The following RNF138 variants were observed in gnomAD, a reference collection of about 807,000 sequenced individuals.
RNF138 encodes ring finger protein 138.
In RNF138, 12 loss-of-function variants were observed where a neutral mutation model predicts 31.0. The ratio of observed to expected loss-of-function variants is 0.39; its 90% CI spans 0.25 to 0.63. The LOEUF (loss-of-function observed/expected upper bound fraction) is 0.63. Ranked by LOEUF, RNF138 falls within the 20% of genes least tolerant of loss-of-function variation. The pLI, the probability that RNF138 is intolerant of heterozygous loss-of-function variation, is 0.52. For synonymous variants in RNF138, 105 were observed against 99.5 expected, an observed-to-expected ratio of 1.06 and a Z score of -0.33; for missense variants, 192 against 300.1, an observed-to-expected ratio of 0.64 and a Z score of 2.66.
chr18:32,092,972 G>C, intron 2 of RNF138, 86 bp downstream of exon 2: 1 of 710,602 alleles, frequency 1.4e-6, no homozygotes, highest in Middle Eastern at 3.8e-4. Context: ...GCCGCCTGGC[G>C]GGAACCGAGC....
intron 4 of RNF138, 65 bp from the exon 5 acceptor site, chr18:32,123,449 CAAGA>C: frequency 2.1e-6 from 2 of 969,034 alleles, no homozygotes; most frequent in Non-Finnish European, 3.0e-6. Flanking sequence ...ATTAATGGTT[CAAGA>C]TAATGAACCT....
intron 2 of RNF138, among the ~76,000 whole-genome samples, chr18:32,094,439 G>A (rs989980769): frequency 6.6e-6 from 1 of 152,114 alleles, no homozygotes; most frequent in Non-Finnish European, 1.5e-5. Flanking sequence ...GCTCTTTAAG[G>A]GAGATGAATG....
intron 6 of RNF138, chr18:32,125,075 C>T: frequency 2.3e-6 from 1 of 426,722 alleles, no homozygotes; most frequent in Non-Finnish European, 4.3e-6. Flanking sequence ...GGTAATATAG[C>T]ACAGTCTGGA....
intron 4 of RNF138, among the ~76,000 whole-genome samples, chr18:32,115,570 C>A (rs1214748891): frequency 3.9e-5 from 6 of 152,158 alleles, no homozygotes; most frequent in Admixed American, 6.5e-5. Context: ...CATGGTGAAA[C>A]CTTGTCTCTA....
chr18:32,128,523 G>A (rs749234351), intron 7 of RNF138, among the ~76,000 whole-genome samples: 8 of 152,184 alleles, frequency 5.3e-5, no homozygotes, highest in African/African-American at 9.7e-5. Flanking sequence ...GAGTGACAGA[G>A]CCAAACTGCC....
Position 32,092,751 on chromosome 18 carries a change from A to G in RNF138, c.-26A>G, listed in dbSNP as rs1598839755. On this transcript the variant is annotated 5_prime_UTR_variant, in exon 2 of 8. Coordinates refer to ENST00000261593, the MANE Select transcript of RNF138 (RefSeq NM_016271.5). Reference sequence around the variant, plus strand: ...CACCTCGGCCGCTGCCGCTGTCGCCATCGCCTTGTTTCCCCATCCCCCGCC... The same window carrying G: ...CACCTCGGCCGCTGCCGCTGTCGCCGTCGCCTTGTTTCCCCATCCCCCGCC... 4.8e-6 allele frequency: 7 copies of G among 1,470,986 alleles called. No individual in the cohort carries two copies. The highest frequency in any genetic ancestry group is 4.6e-6 in the Non-Finnish European group (5 of 1,081,734). The allele number at this position is 1,470,986 out of a possible 1,614,324, so 91.1% of individuals were successfully genotyped here.
chr18:32,094,897 A>G (rs865891357), intron 2 of RNF138, among the ~76,000 whole-genome samples: 1 of 152,162 alleles, frequency 6.6e-6, no homozygotes, highest in Non-Finnish European at 1.5e-5. Context: ...TTCCGTGTAG[A>G]TTGCTCTAGT....
intron 4 of RNF138, among the ~76,000 whole-genome samples, chr18:32,120,893 C>T (rs1013270173): frequency 1.3e-5 from 2 of 152,114 alleles, no homozygotes; most frequent in African/African-American, 4.8e-5. Context: ...TCTGTAATCC[C>T]TGTACTTTGG....
At chr18:32,095,368 C>G (rs1324716282) in intron 2 of RNF138, among the ~76,000 whole-genome samples, 1 of 152,040 alleles carries the variant, frequency 6.6e-6, no homozygotes, top group East Asian at 1.9e-4. Context: ...GACAGGGCCT[C>G]ACTACGTTGC....
intron 2 of RNF138, 31 bp downstream of exon 2, chr18:32,092,917 C>T (rs1292133022): frequency 7.4e-7 from 1 of 1,348,068 alleles, no homozygotes; most frequent in South Asian, 1.3e-5. Context: ...CCTCGCGGAG[C>T]CGGGTTGTCG....
chr18:32,115,845 T>G (rs923721163), intron 4 of RNF138, among the ~76,000 whole-genome samples: 2 of 152,162 alleles, frequency 1.3e-5, no homozygotes, highest in Non-Finnish European at 2.9e-5. Context: ...TATAGCCTCT[T>G]TCTTGGTTAT....
chr18:32,121,705 A>C (rs1037813465), intron 4 of RNF138, among the ~76,000 whole-genome samples: 2 of 152,140 alleles, frequency 1.3e-5, no homozygotes, highest in South Asian at 2.1e-4. Context: ...AAATGTATAG[A>C]TATGAGTTGT....
chr18:32,123,018 C>G (rs1460762073), intron 4 of RNF138, among the ~76,000 whole-genome samples: 1 of 152,162 alleles, frequency 6.6e-6, no homozygotes, highest in Admixed American at 6.5e-5. Flanking sequence ...GTTAGTGAAG[C>G]CTGGTTTCTT....
rs1022315628 is a variant in RNF138 at position 32,094,608 on chromosome 18, GA to G, written c.110+1732del. ...GGTCAGCACATTACCCATCTGACATGAAAAAAAAAACGTTTGGAGGTGTCTA... is the reference window on the plus strand; with the variant it reads ...GGTCAGCACATTACCCATCTGACATGAAAAAAAAACGTTTGGAGGTGTCTA... On this transcript the variant is annotated intron_variant, in intron 2 of 7. Transcript: ENST00000261593. Among the ~76,000 whole-genome samples, 160 of 146,034 alleles carry G rather than the reference GA, an allele frequency of 1.1e-3. 1 individual carries two copies. In the South Asian group the frequency reaches 0.032, roughly 29 times the overall value.
In RNF138 at chr18:32,097,874, ATG is replaced by A. The variant is rs2039838791; in HGVS notation, c.110+4990_110+4991del. 2.6e-5 allele frequency among the ~76,000 whole-genome samples: 4 copies of A among 151,706 alleles called. 1 individual carries two copies. Among genetic ancestry groups the A allele is most frequent in the African/African-American group, 9.7e-5 (4 of 41,300 alleles). Reference sequence around the variant, plus strand: ...TCACTCTGTTGCTCGGGCTATATATATGTATATATGTGTATGTATATGTGTAT... The same window carrying A: ...TCACTCTGTTGCTCGGGCTATATATATATATATGTGTATGTATATGTGTAT... On this transcript the variant is annotated intron_variant, in intron 2 of 7. Coordinates refer to ENST00000261593, the MANE Select transcript of RNF138 (RefSeq NM_016271.5).
chr18:32,117,445 A>G (rs2040235761), intron 4 of RNF138, among the ~76,000 whole-genome samples: 1 of 152,188 alleles, frequency 6.6e-6, no homozygotes, highest in African/African-American at 2.4e-5. Flanking sequence ...CCTGAAGAAG[A>G]GAGCTGAATA....
chr18:32,101,323 A>AT (rs1356402466), intron 2 of RNF138, among the ~76,000 whole-genome samples: 1 of 150,748 alleles, frequency 6.6e-6, no homozygotes, highest in Non-Finnish European at 1.5e-5. Flanking sequence ...GGTTCAAGCC[A>AT]TTCTTCTACC....
At chr18:32,104,874 C>G (rs1040286503) in intron 2 of RNF138, among the ~76,000 whole-genome samples, 1 of 151,886 alleles carries the variant, frequency 6.6e-6, no homozygotes, top group African/African-American at 2.4e-5. Flanking sequence ...TTTGGTAGAA[C>G]TTGAAAAATG....
intron 4 of RNF138, among the ~76,000 whole-genome samples, chr18:32,117,398 A>G (rs1230298149): frequency 6.6e-6 from 1 of 152,176 alleles, no homozygotes; most frequent in Non-Finnish European, 1.5e-5. Flanking sequence ...CTCTGGGTCT[A>G]CTGAAAGCAG....
Sources: allele counts gnomAD v4.1 joint callset (sites outside exome capture counted in the v4.1 genomes callset), GRCh38; gene constraint gnomAD v4.1.1; transcripts MANE v1.5; gene names NCBI Gene and HGNC (gene_info 2026-07-23, HGNC 2026-07-21).